The following SRL variants were observed in gnomAD, a reference collection of about 807,000 sequenced individuals.
SRL encodes sarcalumenin.
SRL carries 23 observed loss-of-function variants against 39.5 expected under a neutral mutation model. The ratio of observed to expected loss-of-function variants is 0.58; its 90% CI spans 0.42 to 0.82. The LOEUF (loss-of-function observed/expected upper bound fraction) is 0.82, where lower values mean the gene tolerates loss of function less well. Ranked by LOEUF, SRL falls within the 40% of genes least tolerant of loss-of-function variation. The pLI, the probability that SRL is intolerant of heterozygous loss-of-function variation, is 0.00. For missense variants in SRL, 592 were observed against 607.8 expected, an observed-to-expected ratio of 0.97 and a Z score of 0.27; for synonymous variants, 272 against 237.4, an observed-to-expected ratio of 1.15 and a Z score of -1.34.
chr16:4,215,896 C>A (rs1356623848), intron 1 of SRL, among the ~76,000 whole-genome samples: 2 of 152,126 alleles, frequency 1.3e-5, no homozygotes, highest in Non-Finnish European at 2.9e-5. Flanking sequence ...ATTAGCTTGG[C>A]ATGGTAGCGT....
chr16:4,218,377 G>A (rs943523154), intron 1 of SRL, among the ~76,000 whole-genome samples: 1 of 152,152 alleles, frequency 6.6e-6, no homozygotes, highest in Non-Finnish European at 1.5e-5. Flanking sequence ...CAACACGGTC[G>A]GAGGGAGGTC....
chr16:4,232,945 C>T (rs1210821594), intron 1 of SRL, among the ~76,000 whole-genome samples: 1 of 152,214 alleles, frequency 6.6e-6, no homozygotes, highest in Non-Finnish European at 1.5e-5. Context: ...AACCCCGGGA[C>T]TCTCCCCTGA....
chr16:4,197,072 T>C (rs1194555833), intron 4 of SRL, among the ~76,000 whole-genome samples: 2 of 85,282 alleles, frequency 2.3e-5, no homozygotes, highest in African/African-American at 4.5e-5. Flanking sequence ...TTTTTTTTTT[T>C]TTTTTTTTTT....
intron 1 of SRL, among the ~76,000 whole-genome samples, chr16:4,241,756 G>A (rs2052775516): frequency 6.6e-6 from 1 of 152,178 alleles, no homozygotes; most frequent in Admixed American, 6.5e-5. Flanking sequence ...CTGGCTCACA[G>A]CTCAGCTCTG....
intron 1 of SRL, among the ~76,000 whole-genome samples, chr16:4,228,720 G>A (rs1244059275): frequency 1.3e-5 from 2 of 151,508 alleles, no homozygotes; most frequent in South Asian, 2.1e-4. Flanking sequence ...GGGTGACAGA[G>A]CAAGACTCCG....
intron 1 of SRL, chr16:4,206,689 C>T (rs997369421): frequency 2.2e-6 from 1 of 456,682 alleles, no homozygotes; most frequent in African/African-American, 2.0e-5. Flanking sequence ...ATGCAGCTGC[C>T]CAAGGGACGG....
In SRL at chr16:4,234,464, G is replaced by A. The variant is rs113153009; in HGVS notation, c.61+7543C>T. ...GCAACAGGCATGTCCCCAAGGTAGGGGGGCAGCTGGGACCTTGACTCCGAG... is the reference window on the plus strand; with the variant it reads ...GCAACAGGCATGTCCCCAAGGTAGGAGGGCAGCTGGGACCTTGACTCCGAG... On this transcript the variant is annotated intron_variant, in intron 1 of 5. Coordinates refer to ENST00000399609, the MANE Select transcript of SRL (RefSeq NM_001098814.2). 3.5e-3 allele frequency among the ~76,000 whole-genome samples: 530 copies of A among 152,332 alleles called. 2 individuals carry two copies. Among genetic ancestry groups the A allele is most frequent in the African/African-American group, 0.012 (493 of 41,572 alleles).
intron 3 of SRL, among the ~76,000 whole-genome samples, chr16:4,201,057 T>C (rs1316188706): frequency 6.6e-6 from 1 of 152,182 alleles, no homozygotes; most frequent in Non-Finnish European, 1.5e-5. Context: ...TGAGTACAAA[T>C]TGGTATCATG....
intron 3 of SRL, among the ~76,000 whole-genome samples, chr16:4,198,934 G>A (rs1004705049): frequency 9.9e-5 from 15 of 152,162 alleles, no homozygotes; most frequent in Admixed American, 2.6e-4. Flanking sequence ...GAATGCTCTC[G>A]TGCTTTCAAA....
intron 1 of SRL, chr16:4,207,637 C>A (rs1462049896): frequency 9.1e-6 from 4 of 439,820 alleles, no homozygotes; most frequent in African/African-American, 4.0e-5. Context: ...TGGCCCCCAG[C>A]CTGTCCTCCT....
At chr16:4,194,583 T>C (rs893660461) in intron 5 of SRL, among the ~76,000 whole-genome samples, 1 of 152,204 alleles carries the variant, frequency 6.6e-6, no homozygotes, top group African/African-American at 2.4e-5. Context: ...ATACTGGTAC[T>C]GGGATCCAAT....
chr16:4,212,421 C>G (rs1036812863), intron 1 of SRL, among the ~76,000 whole-genome samples: 1 of 152,216 alleles, frequency 6.6e-6, no homozygotes, highest in Non-Finnish European at 1.5e-5. Context: ...ATTACACTCA[C>G]TTCCATCGCA....
In SRL at chr16:4,195,596, C is replaced by A. The variant is rs764086658; in HGVS notation, c.567G>T (p.Val189=). 10 of 1,614,006 alleles carry A rather than the reference C, an allele frequency of 6.2e-6. No individual in the cohort carries two copies. The highest frequency in any genetic ancestry group is 1.3e-5 in the African/African-American group (1 of 74,900). The part of the protein sequence containing the change: ...PHKLLERVTF[V]DTPGIIENRK... ...GGTTCTCGATGATGCCTGGTGTATC[C>A]ACAAAAGTGACCCTCTCCAGAAGTT... The change falls in exon 5 of 6, where the codon GTG becomes GTT. Residue 189 remains valine (V), a synonymous_variant. Transcript: ENST00000399609.
rs1356074070 is a variant in SRL, at chr16:4,190,722, A to C, written c.*1431T>G. 2 of 363,804 alleles carry C rather than the reference A, an allele frequency of 5.5e-6. No homozygotes were observed. Among genetic ancestry groups the C allele is most frequent in the Non-Finnish European group, 9.8e-6 (2 of 203,932 alleles). The allele number at this position is 363,804 out of a possible 1,614,324, so 22.5% of individuals were successfully genotyped here. On this transcript the variant is annotated 3_prime_UTR_variant, in exon 6 of 6. Transcript: ENST00000399609. The stretch of plus-strand genomic sequence containing the variant: ...GTGTGTTCAGTGGACATCTGCATCA[A>C]GGTCAGGCGGGAAGGTCAATGTTAA...
At chr16:4,230,505 C>T (rs967488417) in intron 1 of SRL, among the ~76,000 whole-genome samples, 5 of 151,866 alleles carry the variant, frequency 3.3e-5, no homozygotes, top group Admixed American at 2.0e-4. Context: ...CTCAGCCCCC[C>T]AAGTAGCTGG....
chr16:4,209,970 G>C (rs2052372529), intron 1 of SRL, among the ~76,000 whole-genome samples: 1 of 152,150 alleles, frequency 6.6e-6, no homozygotes, highest in African/African-American at 2.4e-5. Flanking sequence ...TGGAATCTCA[G>C]CTCCTGCCTG....
intron 1 of SRL, among the ~76,000 whole-genome samples, chr16:4,217,886 G>GA (rs2052477686): frequency 1.3e-5 from 2 of 152,140 alleles, no homozygotes; most frequent in Non-Finnish European, 2.9e-5. Context: ...TCCGGGTCTG[G>GA]GGGCTCAGTC....
Position 4,233,624 on chromosome 16 carries a change from C to T in SRL, c.61+8383G>A, listed in dbSNP as rs2052682354. On this transcript the variant is annotated intron_variant, in intron 1 of 5. Coordinates refer to ENST00000399609, the MANE Select transcript of SRL (RefSeq NM_001098814.2). Reference sequence around the variant, plus strand: ...ATCTCCCCAAATAGAAGGTCAGCTCCTGAGGGCAGAGACACAACTCATTCC... The same window carrying T: ...ATCTCCCCAAATAGAAGGTCAGCTCTTGAGGGCAGAGACACAACTCATTCC... 2.6e-5 allele frequency among the ~76,000 whole-genome samples: 4 copies of T among 152,038 alleles called. No homozygotes were observed. In the South Asian group the frequency reaches 8.3e-4, roughly 32 times the overall value.
At chr16:4,235,200 G>T (rs930017314) in intron 1 of SRL, among the ~76,000 whole-genome samples, 20 of 152,312 alleles carry the variant, frequency 1.3e-4, no homozygotes, top group African/African-American at 4.6e-4. Flanking sequence ...GAGGCCAGGG[G>T]CGAGGTCCCT....
Sources: allele counts gnomAD v4.1 joint callset (sites outside exome capture counted in the v4.1 genomes callset), GRCh38; gene constraint gnomAD v4.1.1; transcripts MANE v1.5; gene names NCBI Gene and HGNC (gene_info 2026-07-23, HGNC 2026-07-21).